The following GALNTL6 variants were observed in gnomAD, a reference collection of about 807,000 sequenced individuals.
The protein encoded by GALNTL6 is polypeptide N-acetylgalactosaminyltransferase-like 6.
A neutral mutation model predicts 73.7 loss-of-function variants in GALNTL6; 46 were observed. The observed-to-expected ratio is 0.62, with a 90% confidence interval of 0.49 to 0.80. GALNTL6 has a LOEUF of 0.80. Among genes scored for constraint, GALNTL6 ranks in the 30% least tolerant of loss-of-function variants. The probability of loss-of-function intolerance (pLI) is 0.00; values close to 1 mark genes in which losing one functional copy is unlikely to be tolerated. For missense variants in GALNTL6, 604 were observed against 755.0 expected (o/e 0.80, Z 2.34); for synonymous variants, 259 against 263.7 (o/e 0.98, Z 0.17).
chr4:173,005,352 C>T (rs1295128568), intron 10 of GALNTL6, among the ~76,000 whole-genome samples: 1 of 152,132 alleles, frequency 6.6e-6, no homozygotes, highest in Non-Finnish European at 1.5e-5. Context: ...AGCCCTGAAA[C>T]TGGGCATCAA....
intron 9 of GALNTL6, among the ~76,000 whole-genome samples, chr4:172,938,825 GC>G (rs1479708011): frequency 1.5e-4 from 23 of 152,194 alleles, no homozygotes; most frequent in Middle Eastern, 3.2e-3. Context: ...TCAAAACTCA[GC>G]CCTCATAAAT....
intron 5 of GALNTL6, among the ~76,000 whole-genome samples, chr4:172,615,104 T>A (rs1051852009): frequency 4.0e-5 from 6 of 151,884 alleles, no homozygotes; most frequent in African/African-American, 1.4e-4. Context: ...CTTCTGAGGC[T>A]AGGGTATTAG....
intron 5 of GALNTL6, among the ~76,000 whole-genome samples, chr4:172,799,590 T>G (rs1056461227): frequency 6.6e-5 from 10 of 152,154 alleles, no homozygotes; most frequent in African/African-American, 2.2e-4. Context: ...CAACCAAAAT[T>G]TATCTATATA....
chr4:172,880,743 T>C (rs996599280), intron 7 of GALNTL6, among the ~76,000 whole-genome samples: 9 of 152,124 alleles, frequency 5.9e-5, no homozygotes, highest in Non-Finnish European at 1.2e-4. Context: ...TTAACGGTCA[T>C]TCACACCAAT....
At chr4:172,515,987 T>C (rs1305801433) in intron 5 of GALNTL6, among the ~76,000 whole-genome samples, 1 of 152,204 alleles carries the variant, frequency 6.6e-6, no homozygotes, top group East Asian at 1.9e-4. Flanking sequence ...TATATGCATA[T>C]CTATCTTTAT....
chr4:172,061,217 C>G (rs1042070308), intron 2 of GALNTL6, among the ~76,000 whole-genome samples: 3 of 151,992 alleles, frequency 2.0e-5, no homozygotes, highest in Non-Finnish European at 4.4e-5. Flanking sequence ...TATTCTCTCT[C>G]TCTCTCTCCC....
intron 10 of GALNTL6, among the ~76,000 whole-genome samples, chr4:173,006,886 C>T (rs536844863): frequency 6.6e-6 from 1 of 152,214 alleles, no homozygotes; most frequent in Non-Finnish European, 1.5e-5. Context: ...TCAGAGAAAT[C>T]TGTAGGCAAA....
At chr4:171,953,065 G>A (rs1160720478) in intron 2 of GALNTL6, among the ~76,000 whole-genome samples, 1 of 152,098 alleles carries the variant, frequency 6.6e-6, no homozygotes, top group Non-Finnish European at 1.5e-5. Flanking sequence ...ATTATTCAAA[G>A]AGGCGTAAGG....
At chr4:173,013,482 G>A (rs1309442307) in intron 11 of GALNTL6, among the ~76,000 whole-genome samples, 1 of 151,928 alleles carries the variant, frequency 6.6e-6, no homozygotes, top group Non-Finnish European at 1.5e-5. Context: ...TTTGACAGCG[G>A]AACATGGATA....
intron 5 of GALNTL6, among the ~76,000 whole-genome samples, chr4:172,657,672 C>A (rs1731111640): frequency 6.6e-6 from 1 of 152,216 alleles, no homozygotes; most frequent in South Asian, 2.1e-4. Context: ...CAACTCTCAC[C>A]TCACTCAAAG....
intron 3 of GALNTL6, among the ~76,000 whole-genome samples, chr4:172,242,398 T>A (rs554892842): frequency 6.6e-6 from 1 of 152,292 alleles, no homozygotes; most frequent in African/African-American, 2.4e-5. Context: ...AGAAAGCATT[T>A]GTTTTTAGTT....
chr4:173,024,927 A>G (rs1317073626), intron 12 of GALNTL6, among the ~76,000 whole-genome samples: 2 of 152,146 alleles, frequency 1.3e-5, no homozygotes. Context: ...AATAAGATCA[A>G]TATTTCCTAG....
chr4:172,813,480 A>C, intron 6 of GALNTL6, 60 bp from the exon 7 acceptor site: 1 of 1,450,256 alleles, frequency 6.9e-7, no homozygotes, highest in African/African-American at 1.4e-5. Context: ...CTCTTTGCTG[A>C]AAAATGATAG....
At chr4:172,029,152 C>T (rs1177410744) in intron 2 of GALNTL6, among the ~76,000 whole-genome samples, 1 of 151,682 alleles carries the variant, frequency 6.6e-6, no homozygotes, top group African/African-American at 2.4e-5. Flanking sequence ...TCTTTTTGAC[C>T]ATATTTGGAA....
rs1737783714 is a variant in GALNTL6, at chr4:172,249,607, G to C, written c.247+19843G>C. On this transcript the variant is annotated intron_variant, in intron 3 of 12. Transcript: ENST00000506823. The stretch of plus-strand genomic sequence containing the variant: ...AGTGCTTCCCTGGACCAGGCTCAGG[G>C]CCCCCCTGCTCTGTGCAGTCTCAGG... Among the ~76,000 whole-genome samples, 5 of 152,090 alleles carry C rather than the reference G, an allele frequency of 3.3e-5. No individual in the cohort carries two copies. The South Asian group carries it at 1.0e-3, about 32-fold the overall frequency.
At chr4:172,636,838 A>G (rs985199499) in intron 5 of GALNTL6, among the ~76,000 whole-genome samples, 2 of 152,160 alleles carry the variant, frequency 1.3e-5, no homozygotes, top group East Asian at 1.9e-4. Context: ...CACAACTTCT[A>G]TTTATCCTGA....
intron 2 of GALNTL6, among the ~76,000 whole-genome samples, chr4:171,882,216 A>G (rs1421124177): frequency 1.3e-5 from 2 of 152,196 alleles, no homozygotes; most frequent in Non-Finnish European, 2.9e-5. Flanking sequence ...TAAATATGGA[A>G]TTCTGACTAC....
intron 3 of GALNTL6, among the ~76,000 whole-genome samples, chr4:172,290,128 T>C (rs913300080): frequency 6.6e-6 from 1 of 152,184 alleles, no homozygotes; most frequent in Non-Finnish European, 1.5e-5. Context: ...GGACTTTCTC[T>C]TTCATCTCTG....
chr4:171,846,311 A>G (rs1329236917), intron 2 of GALNTL6, among the ~76,000 whole-genome samples: 1 of 152,180 alleles, frequency 6.6e-6, no homozygotes, highest in African/African-American at 2.4e-5. Flanking sequence ...GAAAATTTGA[A>G]TCACCTGATG....
Sources: gnomAD v4.1 joint callset for allele counts (sites outside exome capture counted in the v4.1 genomes callset) on GRCh38, gnomAD v4.1.1 for gene constraint, MANE v1.5 for transcripts, NCBI Gene and HGNC (gene_info 2026-07-23, HGNC 2026-07-21) for gene names.